NCOR2: variants seen among roughly 807,000 people sequenced by gnomAD.
The protein encoded by NCOR2 is nuclear receptor corepressor 2.
A neutral mutation model predicts 262.9 loss-of-function variants in NCOR2; 81 were observed. The ratio of observed to expected loss-of-function variants is 0.31; its 90% CI spans 0.26 to 0.37. The LOEUF (loss-of-function observed/expected upper bound fraction) is 0.37. Among genes scored for constraint, NCOR2 ranks in the 10% least tolerant of loss-of-function variants. The pLI is 1.00. For synonymous variants in NCOR2, 1,659 were observed against 1,559.3 expected, an observed-to-expected ratio of 1.06 and a Z score of -1.51; for missense variants, 3,385 against 3,621.4, an observed-to-expected ratio of 0.93 and a Z score of 1.68.
Position 124,566,339 on chromosome 12 carries a change from A to C in NCOR2, c.-165+969T>G, listed in dbSNP as rs567003094. 9.5e-4 allele frequency among the ~76,000 whole-genome samples: 144 copies of C among 152,280 alleles called. No homozygotes were observed. The highest frequency in any genetic ancestry group is 1.6e-3 in the Non-Finnish European group (111 of 68,002). ...GCGGCGGGAGGACACTCGCTTCCAA[A>C]AAAATAAACCTACAATGTAAAAATA... On this transcript the variant is annotated intron_variant, in intron 1 of 32. Coordinates refer to the NCOR2 transcript ENST00000458234. This position sits in a 1 kb window ranked among gnomAD's most constrained non-coding sequence, Gnocchi z 4.3.
chr12:124,516,017 T>A (rs970597936), intron 1 of NCOR2, among the ~76,000 whole-genome samples: 1 of 152,114 alleles, frequency 6.6e-6, no homozygotes, highest in Non-Finnish European at 1.5e-5. Context: ...CCAACCCAAG[T>A]GGACACCAAG....
At chr12:124,552,923 G>A (rs575212159) in intron 1 of NCOR2, among the ~76,000 whole-genome samples, 83 of 152,260 alleles carry the variant, frequency 5.5e-4, no homozygotes, top group African/African-American at 1.7e-3. Flanking sequence ...GGCCTCAAGC[G>A]ATCCTCCCAC....
chr12:124,363,171 G>A lies in NCOR2; in HGVS notation c.2928+508C>T, dbSNP rs576735237. ...TGAGCCCATCACTCAAAGTCCCAAG[G>A]GACCACCAGCCTGGTCAGCTCAGGG... is the stretch of plus-strand genomic sequence containing the variant. On this transcript the variant is annotated intron_variant, in intron 21 of 46. Transcript: ENST00000405201. Among the ~76,000 whole-genome samples the A allele has an allele frequency of 2.6e-5, 4 of 152,336 alleles. No homozygotes were observed. The South Asian group carries it at 8.3e-4, about 32-fold the overall frequency.
chr12:124,362,359 A>G, intron 21 of NCOR2, 62 bp from the exon 24 acceptor site: 1 of 1,317,110 alleles, frequency 7.6e-7, no homozygotes. Context: ...AGGGTCAGGG[A>G]GAGACATGCA....
At chr12:124,450,019 A>G in intron 6 of NCOR2, 152 bp from the exon 9 acceptor site, 1 of 732,126 alleles carries the variant, frequency 1.4e-6, no homozygotes, top group Non-Finnish European at 2.2e-6. Context: ...ACAGGGACCC[A>G]GCACGCAGCC....
intron 11 of NCOR2, among the ~76,000 whole-genome samples, chr12:124,424,429 C>T (rs141751091): frequency 3.9e-5 from 6 of 152,248 alleles, no homozygotes; most frequent in East Asian, 3.9e-4. Context: ...ATTAAGTAAC[C>T]GAGTATTCCT....
chr12:124,561,971 G>C (rs745564942), intron 1 of NCOR2: 9 of 152,202 alleles, frequency 5.9e-5, no homozygotes, highest in South Asian at 2.1e-4. Context: ...AGCTGTGATG[G>C]TACCACTGCA....
At chr12:124,339,401 TACC>T (rs2036215588) in intron 37 of NCOR2, among the ~76,000 whole-genome samples, 1 of 137,174 alleles carries the variant, frequency 7.3e-6, no homozygotes, top group Non-Finnish European at 1.5e-5. Context: ...CCTACCTACC[TACC>T]ACCCACCCAC....
intron 1 of NCOR2, among the ~76,000 whole-genome samples, chr12:124,490,789 C>G (rs1393278132): frequency 6.6e-6 from 1 of 152,248 alleles, no homozygotes; most frequent in African/African-American, 2.4e-5. Context: ...ACGTTGCCAA[C>G]TGCAACGAAG....
upstream of NCOR2, among the ~76,000 whole-genome samples, chr12:124,497,437 C>T (rs1461916012): frequency 6.6e-6 from 1 of 152,204 alleles, no homozygotes; most frequent in East Asian, 1.9e-4. This position sits in a 1 kb window ranked among gnomAD's most constrained non-coding sequence, Gnocchi z 4.2. Context: ...AAACATCAGA[C>T]ATTCATGTGC....
chr12:124,354,674 C>T (rs1242745655), intron 25 of NCOR2, 92 bp from the exon 28 acceptor site: 48 of 1,333,248 alleles, frequency 3.6e-5, no homozygotes, highest in East Asian at 5.1e-5. Flanking sequence ...GGCTGGGAAG[C>T]GCTGCCCCTC....
intron 1 of NCOR2, among the ~76,000 whole-genome samples, chr12:124,511,095 G>A (rs982720780): frequency 1.3e-5 from 2 of 152,216 alleles, no homozygotes; most frequent in African/African-American, 2.4e-5. Flanking sequence ...AATCGCAGAC[G>A]TGGAGCTGAA....
At chr12:124,348,208 G>A (rs746236295) in exon 29 of NCOR2, 5 of 1,612,446 alleles carry the variant, frequency 3.1e-6, no homozygotes, top group Middle Eastern at 1.6e-4. Context: ...CTCTGCCCAC[G>A]CGGCCCTCCA....
chr12:124,501,110 G>C lies in NCOR2; in HGVS notation c.-117-5742C>G, dbSNP rs541357865. ...CACACACACACACACACACACACTC[G>C]ACAGAACCCTCTGATACTCTGAGAA... On this transcript the variant is annotated intron_variant, in intron 1 of 46. Transcript: ENST00000404621. Among the ~76,000 whole-genome samples, 3 of 142,676 alleles carry C rather than the reference G, an allele frequency of 2.1e-5. No homozygotes were observed. In the South Asian group the frequency reaches 6.6e-4, roughly 31 times the overall value. 93.6% of individuals were successfully genotyped at this position (142,676 alleles called of 152,430 possible). A position where few individuals can be genotyped will look rare whatever the true frequency, so the allele number is the denominator to read the frequency against.
chr12:124,461,404 G>A (rs1053515386), intron 5 of NCOR2, among the ~76,000 whole-genome samples: 5 of 152,230 alleles, frequency 3.3e-5, no homozygotes, highest in East Asian at 1.9e-4. Context: ...ACTGAGATCC[G>A]GGCACGTTCT....
At chr12:124,376,219 G>A (rs1272119188) in intron 18 of NCOR2, among the ~76,000 whole-genome samples, 1 of 152,192 alleles carries the variant, frequency 6.6e-6, no homozygotes, top group Middle Eastern at 3.2e-3. Flanking sequence ...CTCAGCTCCA[G>A]CCACCTCAGC....
chr12:124,486,697 G>A, intron 1 of NCOR2, 129 bp from the exon 4 acceptor site: 1 of 1,200,876 alleles, frequency 8.3e-7, no homozygotes, highest in Non-Finnish European at 1.1e-6. Flanking sequence ...ATAAGCCCAA[G>A]TCCTGCAGGG....
At chr12:124,469,770 G>C (rs183052216) in intron 4 of NCOR2, among the ~76,000 whole-genome samples, 343 of 152,298 alleles carry the variant, frequency 2.3e-3, no homozygotes, top group Non-Finnish European at 3.6e-3. Flanking sequence ...GCAGTGACAC[G>C]CTATAAAGGG....
At position 124,503,743 on chromosome 12, in the gene NCOR2, G is replaced by A. The variant is rs1176362479; in HGVS notation, c.-117-8375C>T. Among the ~76,000 whole-genome samples the A allele has an allele frequency of 6.7e-6, 1 of 148,760 alleles. No homozygotes were observed. Among genetic ancestry groups the A allele is most frequent in the African/African-American group, 2.4e-5 (1 of 40,832 alleles). On this transcript the variant is annotated intron_variant, in intron 1 of 46. Coordinates refer to the NCOR2 transcript ENST00000404621. This position sits in a 1 kb window ranked among gnomAD's most constrained non-coding sequence, Gnocchi z 4.3. ...GAATGGATGGATGGATGGACGGATGGATGCATGGATGCATGGATGGATGGA... is the reference window on the plus strand; with the variant it reads ...GAATGGATGGATGGATGGACGGATGAATGCATGGATGCATGGATGGATGGA...
Sources: gnomAD v4.1 joint callset for allele counts (sites outside exome capture counted in the v4.1 genomes callset) on GRCh38, gnomAD v4.1.1 for gene constraint, Gnocchi (gnomAD v3.1) non-coding constraint, MANE v1.5 for transcripts, NCBI Gene and HGNC (gene_info 2026-07-23, HGNC 2026-07-21) for gene names.